The following PABPC4L variants were observed in gnomAD, a reference collection of about 807,000 sequenced individuals.
The protein encoded by PABPC4L is poly(A) binding protein cytoplasmic 4 like.
For synonymous variants in PABPC4L, 169 were observed against 164.1 expected (o/e 1.03, Z -0.23); for missense variants, 452 against 451.4 (o/e 1.00, Z -0.01).
chr4:133,982,729 T>C, the PABPC4L span, among the ~76,000 whole-genome samples: 497 of 152,118 alleles, frequency 3.3e-3, 4 homozygotes, highest in African/African-American at 8.9e-3. Flanking sequence ...TTGCATTCCA[T>C]GCTAATTTGT....
At chr4:134,019,853 G>A in the PABPC4L span, among the ~76,000 whole-genome samples, 2 of 152,168 alleles carry the variant, frequency 1.3e-5, no homozygotes, top group Admixed American at 6.6e-5. Flanking sequence ...AGACACTGGG[G>A]TTGGCAGTTA....
chr4:134,030,747 T>C, the PABPC4L span, among the ~76,000 whole-genome samples: 1 of 152,104 alleles, frequency 6.6e-6, no homozygotes, highest in East Asian at 1.9e-4. Flanking sequence ...AAATAATATT[T>C]TGCATATGCC....
chr4:134,075,409 GTAAA>G, the PABPC4L span, among the ~76,000 whole-genome samples: 3 of 152,150 alleles, frequency 2.0e-5, no homozygotes, highest in South Asian at 2.1e-4. Flanking sequence ...TCTTCATTGA[GTAAA>G]TAAATAAATT....
chr4:134,192,208 T>C (rs574461724), downstream of PABPC4L, among the ~76,000 whole-genome samples: 44 of 152,228 alleles, frequency 2.9e-4, no homozygotes, highest in African/African-American at 1.0e-3. Flanking sequence ...TAAGTGCTGA[T>C]ACATGCTCCA....
chr4:134,101,846 T>C, the PABPC4L span, among the ~76,000 whole-genome samples: 3 of 151,532 alleles, frequency 2.0e-5, no homozygotes, highest in Non-Finnish European at 3.0e-5. Context: ...TAGCTAAAAA[T>C]AGTGTATCCC....
chr4:133,959,340 G>C, the PABPC4L span, among the ~76,000 whole-genome samples: 2 of 152,264 alleles, frequency 1.3e-5, no homozygotes, highest in Non-Finnish European at 2.9e-5. Flanking sequence ...ACACTATGAG[G>C]TGTCTTTTTC....
At chr4:134,125,050 C>G in the PABPC4L span, among the ~76,000 whole-genome samples, 1 of 152,102 alleles carries the variant, frequency 6.6e-6, no homozygotes, top group African/African-American at 2.4e-5. Flanking sequence ...CTAAAGGACA[C>G]AACCTGTATT....
the PABPC4L span, among the ~76,000 whole-genome samples, chr4:133,951,610 G>A: frequency 6.6e-6 from 1 of 152,070 alleles, no homozygotes; most frequent in East Asian, 1.9e-4. Flanking sequence ...CCAGGTTTGA[G>A]TGAACACCCC....
the PABPC4L span, among the ~76,000 whole-genome samples, chr4:134,081,021 A>C: frequency 5.3e-5 from 8 of 152,316 alleles, no homozygotes; most frequent in African/African-American, 1.9e-4. Context: ...TTTCTATTAT[A>C]GACATCTAAT....
the PABPC4L span, among the ~76,000 whole-genome samples, chr4:134,187,414 A>G: frequency 6.6e-6 from 1 of 151,890 alleles, no homozygotes; most frequent in Non-Finnish European, 1.5e-5. Flanking sequence ...GAAGCTGGAA[A>G]CCATCATTCT....
the PABPC4L span, among the ~76,000 whole-genome samples, chr4:133,997,430 C>A: frequency 6.6e-6 from 1 of 151,978 alleles, no homozygotes; most frequent in East Asian, 1.9e-4. Flanking sequence ...TATTTTCATG[C>A]CTGCTAGCAT....
the PABPC4L span, among the ~76,000 whole-genome samples, chr4:133,968,791 C>T: frequency 2.6e-5 from 4 of 152,114 alleles, no homozygotes; most frequent in African/African-American, 9.7e-5. Context: ...CAGGTAAAGA[C>T]ATAGGTGATT....
chr4:134,010,191 T>A, the PABPC4L span, among the ~76,000 whole-genome samples: 1 of 152,078 alleles, frequency 6.6e-6, no homozygotes, highest in Non-Finnish European at 1.5e-5. Context: ...GTATAATAAT[T>A]ATATTTTCTA....
the PABPC4L span, among the ~76,000 whole-genome samples, chr4:134,079,844 T>C: frequency 6.6e-6 from 1 of 152,018 alleles, no homozygotes; most frequent in East Asian, 1.9e-4. Context: ...TTATATGGTT[T>C]TTATAAAATG....
At chr4:134,185,525 T>G in the PABPC4L span, among the ~76,000 whole-genome samples, 1 of 152,186 alleles carries the variant, frequency 6.6e-6, no homozygotes, top group East Asian at 1.9e-4. Context: ...TAGGTATTGA[T>G]AGGACATATC....
At chr4:133,953,992 ACT>A in the PABPC4L span, among the ~76,000 whole-genome samples, 1 of 152,106 alleles carries the variant, frequency 6.6e-6, no homozygotes, top group Non-Finnish European at 1.5e-5. Context: ...CACAAATGCA[ACT>A]CCTACCTGTC....
At chr4:133,995,386 A>T in the PABPC4L span, among the ~76,000 whole-genome samples, 1 of 152,138 alleles carries the variant, frequency 6.6e-6, no homozygotes, top group Non-Finnish European at 1.5e-5. Flanking sequence ...AGTCCCCACC[A>T]GTTGACATGC....
chr4:133,979,878 T>C, the PABPC4L span, among the ~76,000 whole-genome samples: 2 of 152,166 alleles, frequency 1.3e-5, no homozygotes, highest in African/African-American at 4.8e-5. Context: ...AAAAATCAGA[T>C]GTTTCAAATA....
the PABPC4L span, among the ~76,000 whole-genome samples, chr4:133,986,255 T>C: frequency 1.3e-5 from 2 of 152,128 alleles, no homozygotes; most frequent in African/African-American, 4.8e-5. Flanking sequence ...ATAAACAACT[T>C]TTTATATCTT....
Sources: allele counts gnomAD v4.1 joint callset (sites outside exome capture counted in the v4.1 genomes callset), GRCh38; gene constraint gnomAD v4.1.1; transcripts MANE v1.5; gene names NCBI Gene and HGNC (gene_info 2026-07-23, HGNC 2026-07-21).